The following KSR2 variants were observed in gnomAD, a reference collection of about 807,000 sequenced individuals.
The protein encoded by KSR2 is kinase suppressor of ras 2.
Under a neutral mutation model 107.8 loss-of-function variants are expected in KSR2, and 25 were observed. The ratio of observed to expected loss-of-function variants is 0.23; its 90% confidence interval spans 0.17 to 0.32. KSR2 has a LOEUF of 0.32. Among genes scored for constraint, KSR2 ranks in the 10% least tolerant of loss-of-function variants. The pLI is 1.00. For missense variants in KSR2, 887 were observed against 1,268.9 expected (o/e 0.70, Z 4.57); for synonymous variants, 480 against 507.0 (o/e 0.95, Z 0.71).
chr12:117,480,331 T>A (rs901288886), intron 16 of KSR2, among the ~76,000 whole-genome samples: 6 of 151,748 alleles, frequency 4.0e-5, no homozygotes, highest in Admixed American at 3.9e-4. Flanking sequence ...CTGGCACGGG[T>A]GTGGTAGGGG....
chr12:117,540,286 G>T (rs1876390243), intron 9 of KSR2, among the ~76,000 whole-genome samples: 1 of 152,168 alleles, frequency 6.6e-6, no homozygotes, highest in South Asian at 2.1e-4. Flanking sequence ...GACAGCTCCA[G>T]AGAGAATGTG....
intron 2 of KSR2, among the ~76,000 whole-genome samples, chr12:117,856,479 A>ATTTG (rs1485722256): frequency 1.3e-5 from 2 of 151,480 alleles, no homozygotes; most frequent in African/African-American, 4.9e-5. Flanking sequence ...TTTTTTGTTT[A>ATTTG]TTTGTTTGTT....
chr12:117,533,006 C>T (rs1592964355), intron 10 of KSR2, among the ~76,000 whole-genome samples: 2 of 152,268 alleles, frequency 1.3e-5, no homozygotes, highest in East Asian at 3.9e-4. Flanking sequence ...CTGCCCTTGG[C>T]TATTTGTAGA....
At chr12:117,807,000 A>G (rs1891033837) in intron 3 of KSR2, among the ~76,000 whole-genome samples, 1 of 152,178 alleles carries the variant, frequency 6.6e-6, no homozygotes, top group Non-Finnish European at 1.5e-5. Flanking sequence ...ACGGAGGGAC[A>G]AGGATGGAGA....
chr12:117,939,944 A>AACACACACACAC (rs10561468), intron 1 of KSR2, among the ~76,000 whole-genome samples: 42 of 140,174 alleles, frequency 3.0e-4, no homozygotes, highest in African/African-American at 1.1e-3. Context: ...CCATCTTAAA[A>AACACACACACAC]ACACACACAC....
At chr12:117,599,027 A>G (rs887777290) in intron 5 of KSR2, among the ~76,000 whole-genome samples, 1 of 152,202 alleles carries the variant, frequency 6.6e-6, no homozygotes, top group Non-Finnish European at 1.5e-5. Context: ...AAACAAAGGC[A>G]TGCTCTCACC....
chr12:117,886,173 T>C (rs1384598326), intron 1 of KSR2, among the ~76,000 whole-genome samples: 1 of 150,666 alleles, frequency 6.6e-6, no homozygotes, highest in Non-Finnish European at 1.5e-5. Context: ...TATGTGTATA[T>C]ATAATATTTG....
chr12:117,502,002 C>T (rs1315083787), intron 14 of KSR2, among the ~76,000 whole-genome samples: 2 of 152,248 alleles, frequency 1.3e-5, no homozygotes, highest in East Asian at 3.8e-4. Flanking sequence ...AGACCACTGA[C>T]TTCAAAACGG....
chr12:117,659,129 G>C (rs1048414325), intron 5 of KSR2, among the ~76,000 whole-genome samples: 2 of 152,106 alleles, frequency 1.3e-5, no homozygotes, highest in Non-Finnish European at 2.9e-5. Context: ...CTGATGAGGG[G>C]GAATGGGATT....
chr12:117,635,794 C>CTTTT (rs780731850), intron 5 of KSR2, among the ~76,000 whole-genome samples: 22,001 of 140,434 alleles, frequency 0.16, 1,840 homozygotes, highest in Middle Eastern at 0.21. Flanking sequence ...TGGTATGTTA[C>CTTTT]TTTTTTTTTT....
chr12:117,814,508 T>A (rs991723436), intron 3 of KSR2, among the ~76,000 whole-genome samples: 7 of 152,106 alleles, frequency 4.6e-5, no homozygotes, highest in Non-Finnish European at 8.8e-5. Flanking sequence ...TGACAACCCC[T>A]CCCAAACACC....
At chr12:117,688,051 A>T (rs1371327234) in intron 4 of KSR2, among the ~76,000 whole-genome samples, 1 of 150,940 alleles carries the variant, frequency 6.6e-6, no homozygotes, top group East Asian at 1.9e-4. Context: ...TCTCTAACGT[A>T]TTCTGAAACC....
chr12:117,615,825 GTATTGCTTGT>G (rs1881847897), intron 5 of KSR2, among the ~76,000 whole-genome samples: 1 of 152,172 alleles, frequency 6.6e-6, no homozygotes, highest in Admixed American at 6.5e-5. Flanking sequence ...TAATAAATGT[GTATTGCTTGT>G]TAAGCCAGTA....
At chr12:117,700,035 A>G (rs1300820725) in intron 4 of KSR2, among the ~76,000 whole-genome samples, 1 of 141,504 alleles carries the variant, frequency 7.1e-6, no homozygotes, top group Non-Finnish European at 1.5e-5. Context: ...ACCACTCCTC[A>G]CTAATTTTGG....
At chr12:117,789,609 T>A (rs1446978881) in intron 3 of KSR2, among the ~76,000 whole-genome samples, 1 of 152,196 alleles carries the variant, frequency 6.6e-6, no homozygotes, top group Non-Finnish European at 1.5e-5. Context: ...CACGTTTGGA[T>A]CTTTTTCTTA....
At position 117,454,597 on chromosome 12, in the gene KSR2, T is replaced by C. The variant is rs181234334; in HGVS notation, c.*12602A>G. On this transcript the variant is annotated 3_prime_UTR_variant, in exon 20 of 20. Coordinates refer to ENST00000339824, the MANE Select transcript of KSR2 (RefSeq NM_173598.6). ...ATGGCCCCTAGGTCTTCTTCAGTCA[T>C]TTCTGTAACAAACCAGCATTTTGCC... The C allele has an allele frequency of 1.1e-3, 169 of 152,370 alleles. No homozygotes were observed. Among genetic ancestry groups the C allele is most frequent in the Admixed American group, 2.6e-3 (40 of 15,306 alleles). 9.4% of individuals were successfully genotyped at this position (152,370 alleles called of 1,614,324 possible).
At chr12:117,661,395 T>A (rs1884427089) in intron 5 of KSR2, among the ~76,000 whole-genome samples, 1 of 151,710 alleles carries the variant, frequency 6.6e-6, no homozygotes, top group Admixed American at 6.6e-5. Flanking sequence ...TGTAAGAGAG[T>A]ATGCAGCCTA....
chr12:117,808,708 C>T (rs1193639247), intron 3 of KSR2, among the ~76,000 whole-genome samples: 1 of 152,180 alleles, frequency 6.6e-6, no homozygotes, highest in African/African-American at 2.4e-5. Flanking sequence ...TCTCCTCTCC[C>T]ATCCATTCCA....
At chr12:117,622,482 T>C (rs113228784) in intron 5 of KSR2, among the ~76,000 whole-genome samples, 99 of 152,270 alleles carry the variant, frequency 6.5e-4, no homozygotes, top group African/African-American at 2.1e-3. Context: ...TTGTGCAATT[T>C]GAGTGTTGTG....
Sources: gnomAD v4.1 joint callset for allele counts (sites outside exome capture counted in the v4.1 genomes callset) on GRCh38, gnomAD v4.1.1 for gene constraint, MANE v1.5 for transcripts, NCBI Gene and HGNC (gene_info 2026-07-23, HGNC 2026-07-21) for gene names.